Variants in FBRSL1 observed in about 807,000 individuals in gnomAD.
FBRSL1 encodes the protein fibrosin-1-like protein.
In FBRSL1, 51 loss-of-function variants were observed where a neutral mutation model predicts 89.6. That is an observed-to-expected ratio of 0.57 (90% confidence interval 0.45 to 0.72). The LOEUF (loss-of-function observed/expected upper bound fraction) is 0.72. FBRSL1 is among the 30% of genes least tolerant of loss of function. FBRSL1 has a pLI of 0.00. For missense variants in FBRSL1, 1,618 were observed against 1,451.8 expected (o/e 1.11, Z -1.86); for synonymous variants, 779 against 681.1 (o/e 1.14, Z -2.24).
At chr12:132,522,891 C>G (rs2035480579) in intron 2 of FBRSL1, among the ~76,000 whole-genome samples, 1 of 152,190 alleles carries the variant, frequency 6.6e-6, no homozygotes, top group South Asian at 2.1e-4. Context: ...GAGCCACCTT[C>G]TGTGTGCACT....
chr12:132,534,396 A>C (rs1397606186), intron 4 of FBRSL1, among the ~76,000 whole-genome samples: 2 of 152,128 alleles, frequency 1.3e-5, no homozygotes, highest in Non-Finnish European at 2.9e-5. Flanking sequence ...CCATGAGGAG[A>C]CCTCGCCTCC....
At chr12:132,558,440 T>C (rs1333250981) in intron 5 of FBRSL1, among the ~76,000 whole-genome samples, 2 of 152,196 alleles carry the variant, frequency 1.3e-5, no homozygotes, top group East Asian at 1.9e-4. Context: ...CGGCATGCAG[T>C]GCGCCCGGAA....
At chr12:132,525,439 G>A (rs975269130) in intron 2 of FBRSL1, among the ~76,000 whole-genome samples, 1 of 152,210 alleles carries the variant, frequency 6.6e-6, no homozygotes, top group African/African-American at 2.4e-5. Context: ...TCACTGAGCC[G>A]GTGGGTCCTG....
rs558159133 is a variant in FBRSL1, at chr12:132,502,421, C to T, written c.292-5732C>T. 7.9e-5 allele frequency among the ~76,000 whole-genome samples: 12 copies of T among 152,314 alleles called. No individual in the cohort carries two copies. In the East Asian group the frequency reaches 2.3e-3, roughly 29 times the overall value. On this transcript the variant is annotated intron_variant, in intron 1 of 18. Coordinates refer to ENST00000680143, the MANE Select transcript of FBRSL1 (RefSeq NM_001367871.1). ...GCCTTTGGTTTGAAGGGTGAGACTG[C>T]GGGCCACAGCCAGGTGTGATCCGTG...
At chr12:132,571,771 GGACACCCT>G (rs2040031155) in intron 9 of FBRSL1, 1 of 346,368 alleles carries the variant, frequency 2.9e-6, no homozygotes, top group African/African-American at 2.2e-5. Flanking sequence ...CACGTGCATG[GGACACCCT>G]CACGCCTGCA....
intron 2 of FBRSL1, among the ~76,000 whole-genome samples, chr12:132,514,141 C>T (rs1368883661): frequency 6.6e-6 from 1 of 152,216 alleles, no homozygotes. Flanking sequence ...CAGGGCTCGG[C>T]TCCTCCGTGT....
At chr12:132,558,486 A>G (rs1462293428) in intron 5 of FBRSL1, among the ~76,000 whole-genome samples, 2 of 152,224 alleles carry the variant, frequency 1.3e-5, no homozygotes, top group African/African-American at 4.8e-5. Context: ...GCATGGACGC[A>G]AGCGCGTGCC....
intron 5 of FBRSL1, among the ~76,000 whole-genome samples, chr12:132,558,414 AG>A (rs2038849858): frequency 6.6e-6 from 1 of 152,234 alleles, no homozygotes; most frequent in Admixed American, 6.5e-5. Flanking sequence ...TACAGGCTTC[AG>A]GGCCCTGTGG....
intron 6 of FBRSL1, among the ~76,000 whole-genome samples, chr12:132,568,200 C>T (rs1046509504): frequency 1.4e-4 from 21 of 152,214 alleles, no homozygotes; most frequent in African/African-American, 4.1e-4. Flanking sequence ...AAGGCCTAGG[C>T]GGGCAGCATC....
At chr12:132,537,852 A>G (rs1047485306) in intron 4 of FBRSL1, among the ~76,000 whole-genome samples, 5 of 152,200 alleles carry the variant, frequency 3.3e-5, no homozygotes, top group African/African-American at 1.2e-4. Flanking sequence ...TTCTCAACAG[A>G]CAAGACCATG....
chr12:132,569,210 CGGGGGTGG>C (rs1313536703), intron 6 of FBRSL1, among the ~76,000 whole-genome samples: 2 of 40,810 alleles, frequency 4.9e-5, no homozygotes, highest in African/African-American at 9.3e-5. Flanking sequence ...TTGGGGTGTG[CGGGGGTGG>C]GGGGGGCAGG....
intron 4 of FBRSL1, among the ~76,000 whole-genome samples, chr12:132,544,909 T>C (rs1163057788): frequency 6.6e-6 from 1 of 152,178 alleles, no homozygotes; most frequent in African/African-American, 2.4e-5. Flanking sequence ...ATGTGTATAA[T>C]GTACTGACTA....
chr12:132,503,763 G>A (rs1371696954), intron 1 of FBRSL1, among the ~76,000 whole-genome samples: 1 of 152,244 alleles, frequency 6.6e-6, no homozygotes, highest in Non-Finnish European at 1.5e-5. Context: ...AGAGCTGTGG[G>A]GTTTGCACAC....
intron 3 of FBRSL1, among the ~76,000 whole-genome samples, chr12:132,527,158 C>T (rs1013354500): frequency 8.5e-5 from 13 of 152,282 alleles, no homozygotes; most frequent in South Asian, 4.1e-4. Context: ...CATCTGGTAC[C>T]TCCTCCCGGA....
rs1336045034 is a variant in FBRSL1 at position 132,546,869 on chromosome 12, C to T, written c.616-1134C>T. Among the ~76,000 whole-genome samples, 1 of 152,242 alleles carries T rather than the reference C, an allele frequency of 6.6e-6. No homozygotes were observed. The highest frequency in any genetic ancestry group is 1.5e-5 in the Non-Finnish European group (1 of 68,040). On this transcript the variant is annotated intron_variant, in intron 4 of 18. Coordinates refer to ENST00000680143, the MANE Select transcript of FBRSL1 (RefSeq NM_001367871.1). This position sits in a 1 kb window ranked among gnomAD's most constrained non-coding sequence, Gnocchi z 4.0. ...CGCATTTCACACCGTACTGTGAGCT[C>T]CGTCGCTGAACACTCGGCAGCCGCG... is the stretch of plus-strand genomic sequence containing the variant.
At chr12:132,526,458 A>G (rs1414615074) in intron 3 of FBRSL1, among the ~76,000 whole-genome samples, 2 of 152,196 alleles carry the variant, frequency 1.3e-5, no homozygotes, top group Non-Finnish European at 2.9e-5. Context: ...GCTGGGGCTG[A>G]GGCTCAAACT....
chr12:132,560,049 G>A (rs2038982402), intron 5 of FBRSL1: 1 of 150,544 alleles, frequency 6.6e-6, no homozygotes, highest in South Asian at 2.0e-4. Context: ...GCCGCCCAGA[G>A]CGCGCAGAGC....
intron 4 of FBRSL1, among the ~76,000 whole-genome samples, chr12:132,539,102 T>G (rs2037000318): frequency 6.6e-6 from 1 of 152,002 alleles, no homozygotes; most frequent in African/African-American, 2.4e-5. Context: ...GACTTGCAAG[T>G]GAGCCCAGTG....
At chr12:132,547,120 G>A (rs1173449934) in intron 4 of FBRSL1, among the ~76,000 whole-genome samples, 1 of 152,186 alleles carries the variant, frequency 6.6e-6, no homozygotes, top group Non-Finnish European at 1.5e-5. Flanking sequence ...CAGTCAGTGT[G>A]TTCTTCGTAG....
Sources: gnomAD v4.1 joint callset for allele counts (sites outside exome capture counted in the v4.1 genomes callset) on GRCh38, gnomAD v4.1.1 for gene constraint, Gnocchi (gnomAD v3.1) non-coding constraint, MANE v1.5 for transcripts, NCBI Gene and HGNC (gene_info 2026-07-23, HGNC 2026-07-21) for gene names.